C1QTNF3: variants seen among roughly 807,000 people sequenced by gnomAD.
C1QTNF3 encodes the protein complement C1q tumor necrosis factor-related protein 3.
C1QTNF3 carries 26 observed loss-of-function variants against 32.6 expected under a neutral mutation model. That is an observed-to-expected ratio of 0.80 (90% CI 0.58 to 1.11). The LOEUF is 1.11. Ranked by LOEUF, C1QTNF3 falls within the 50% of genes least tolerant of loss-of-function variation. The pLI is 0.00. For missense variants in C1QTNF3, 362 were observed against 398.2 expected (o/e 0.91, Z 0.77); for synonymous variants, 155 against 146.0 (o/e 1.06, Z -0.44).
chr5:34,084,930 A>G, the C1QTNF3 span, among the ~76,000 whole-genome samples: 2 of 146,260 alleles, frequency 1.4e-5, no homozygotes, highest in African/African-American at 5.2e-5. Context: ...TGTCCTGAAT[A>G]GTACTGCCTA....
the C1QTNF3 span, among the ~76,000 whole-genome samples, chr5:34,053,865 C>A: frequency 6.6e-6 from 1 of 152,138 alleles, no homozygotes; most frequent in Non-Finnish European, 1.5e-5. Flanking sequence ...GTATCTAGTA[C>A]AATGAGATGT....
chr5:34,052,184 C>T, the C1QTNF3 span, among the ~76,000 whole-genome samples: 1 of 152,124 alleles, frequency 6.6e-6, no homozygotes, highest in Non-Finnish European at 1.5e-5. Flanking sequence ...TTGTGTTAAG[C>T]CACTGTGCTT....
the C1QTNF3 span, among the ~76,000 whole-genome samples, chr5:34,128,672 T>C: frequency 6.6e-6 from 1 of 152,184 alleles, no homozygotes; most frequent in African/African-American, 2.4e-5. Flanking sequence ...CTGCTGGGTT[T>C]TGGATTTGGA....
the C1QTNF3 span, among the ~76,000 whole-genome samples, chr5:34,240,367 G>C: frequency 6.6e-6 from 1 of 151,502 alleles, no homozygotes; most frequent in Non-Finnish European, 1.5e-5. Flanking sequence ...GAGATTGATA[G>C]ACCTTTAGCT....
the C1QTNF3 span, among the ~76,000 whole-genome samples, chr5:34,056,450 G>GTA: frequency 3.5e-4 from 17 of 48,620 alleles, no homozygotes; most frequent in African/African-American, 1.1e-3. Flanking sequence ...GTGTGTGTGT[G>GTA]TGTGTATATA....
At chr5:34,176,195 T>C in the C1QTNF3 span, among the ~76,000 whole-genome samples, 2 of 144,404 alleles carry the variant, frequency 1.4e-5, no homozygotes, top group African/African-American at 2.6e-5. Context: ...TAAGTGGGAA[T>C]TGAACAATGA....
At chr5:34,208,446 C>T in the C1QTNF3 span, among the ~76,000 whole-genome samples, 1 of 151,598 alleles carries the variant, frequency 6.6e-6, no homozygotes, top group Admixed American at 6.6e-5. Context: ...TTAGCAACAT[C>T]CCTAGCCTCG....
chr5:34,044,151 T>G (rs1372235731), upstream of C1QTNF3, among the ~76,000 whole-genome samples: 2 of 152,166 alleles, frequency 1.3e-5, no homozygotes, highest in African/African-American at 4.8e-5. Flanking sequence ...CGTATCCAGA[T>G]TAAGAGGATT....
At chr5:34,178,275 TC>T in the C1QTNF3 span, among the ~76,000 whole-genome samples, 1 of 152,148 alleles carries the variant, frequency 6.6e-6, no homozygotes, top group Non-Finnish European at 1.5e-5. Flanking sequence ...CTGAAACTCC[TC>T]CTCAAAGGAG....
At chr5:34,085,171 T>G in the C1QTNF3 span, among the ~76,000 whole-genome samples, 1 of 149,986 alleles carries the variant, frequency 6.7e-6, no homozygotes. Context: ...TTTGTGTTTT[T>G]TTTTTTGTAG....
chr5:34,238,150 A>G, the C1QTNF3 span, among the ~76,000 whole-genome samples: 1 of 152,188 alleles, frequency 6.6e-6, no homozygotes. Flanking sequence ...TATACTCAAC[A>G]TACACTACAG....
At chr5:34,172,240 T>C in the C1QTNF3 span, among the ~76,000 whole-genome samples, 3 of 152,138 alleles carry the variant, frequency 2.0e-5, no homozygotes, top group Admixed American at 1.3e-4. Context: ...GTTTAATTTA[T>C]AAATTAGGCA....
At chr5:34,238,632 G>A in the C1QTNF3 span, among the ~76,000 whole-genome samples, 1 of 151,690 alleles carries the variant, frequency 6.6e-6, no homozygotes, top group Non-Finnish European at 1.5e-5. Context: ...AAGAAATATG[G>A]AATTATATAA....
At chr5:34,244,695 G>A in the C1QTNF3 span, 2 of 152,036 alleles carry the variant, frequency 1.3e-5, no homozygotes, top group African/African-American at 4.8e-5. Flanking sequence ...GTACCCACCG[G>A]ACTCAGGAGC....
chr5:34,209,318 C>T, the C1QTNF3 span, among the ~76,000 whole-genome samples: 5 of 151,402 alleles, frequency 3.3e-5, no homozygotes, highest in South Asian at 6.3e-4. Context: ...TTCACTAACG[C>T]GCATAGGCTT....
the C1QTNF3 span, among the ~76,000 whole-genome samples, chr5:34,121,259 A>C: frequency 6.6e-6 from 1 of 152,222 alleles, no homozygotes; most frequent in African/African-American, 2.4e-5. Flanking sequence ...TGTTATAATA[A>C]CAAAGTCCTA....
chr5:34,154,309 T>C, the C1QTNF3 span, among the ~76,000 whole-genome samples: 1 of 152,162 alleles, frequency 6.6e-6, no homozygotes, highest in African/African-American at 2.4e-5. Flanking sequence ...TGTATTTATT[T>C]ATTCAATCAT....
At chr5:34,221,359 C>T in the C1QTNF3 span, among the ~76,000 whole-genome samples, 13 of 152,044 alleles carry the variant, frequency 8.6e-5, no homozygotes, top group African/African-American at 3.1e-4. Flanking sequence ...AAAGGTATTA[C>T]CAAATCATTT....
chr5:34,017,892 G>T lies in C1QTNF3; in HGVS notation c.*2691C>A, dbSNP rs1179332532. Among the ~76,000 whole-genome samples the T allele has an allele frequency of 1.3e-5, 2 of 149,884 alleles. No homozygotes were observed. The highest frequency in any genetic ancestry group is 4.9e-5 in the African/African-American group (2 of 40,518). Reference sequence around the variant, plus strand: ...CACATAGTTTATTTTTTTAAAAAGAGAATGCTCATGACATATTATTTGTAA... The same window carrying T: ...CACATAGTTTATTTTTTTAAAAAGATAATGCTCATGACATATTATTTGTAA... On this transcript the variant is annotated 3_prime_UTR_variant, in exon 6 of 6. Coordinates refer to ENST00000382065, the MANE Select transcript of C1QTNF3 (RefSeq NM_181435.6).
Sources: gnomAD v4.1 joint callset for allele counts (sites outside exome capture counted in the v4.1 genomes callset) on GRCh38, gnomAD v4.1.1 for gene constraint, MANE v1.5 for transcripts, NCBI Gene and HGNC (gene_info 2026-07-23, HGNC 2026-07-21) for gene names.